LMTK2: variants seen among roughly 807,000 people sequenced by gnomAD.
LMTK2 encodes lemur tail kinase 2, also known as serine/threonine-protein kinase LMTK2.
LMTK2 carries 37 observed loss-of-function variants against 127.5 expected under a neutral mutation model. That is an observed-to-expected ratio of 0.29 (90% confidence interval 0.22 to 0.38). The LOEUF is 0.38. Among genes scored for constraint, LMTK2 ranks in the 10% least tolerant of loss-of-function variants. LMTK2 has a pLI of 1.00. For synonymous variants in LMTK2, 819 were observed against 810.1 expected (o/e 1.01, Z -0.19); for missense variants, 1,694 against 1,920.3 (o/e 0.88, Z 2.20).
intron 7 of LMTK2, among the ~76,000 whole-genome samples, chr7:98,180,969 A>T (rs899403178): frequency 6.6e-6 from 1 of 151,990 alleles, no homozygotes; most frequent in Admixed American, 6.6e-5. Context: ...GGAGGGGAGG[A>T]GGAGGAGGAT....
intron 3 of LMTK2, among the ~76,000 whole-genome samples, chr7:98,145,496 C>T (rs984234369): frequency 8.5e-5 from 13 of 152,116 alleles, no homozygotes; most frequent in African/African-American, 3.1e-4. Flanking sequence ...ACATTTAGAT[C>T]TAAAACCCAT....
chr7:98,179,559 A>G (rs570095122), intron 7 of LMTK2, among the ~76,000 whole-genome samples: 1 of 149,410 alleles, frequency 6.7e-6, no homozygotes, highest in Admixed American at 6.7e-5. Context: ...TTCTGTCCTC[A>G]TATGGCATGT....
chr7:98,189,296 G>A (rs1278277821), intron 9 of LMTK2, among the ~76,000 whole-genome samples: 2 of 152,142 alleles, frequency 1.3e-5, no homozygotes. Context: ...CAGGGATGGG[G>A]TGGTGGAGGC....
chr7:98,129,530 G>C (rs887001472), intron 1 of LMTK2, among the ~76,000 whole-genome samples: 5 of 151,798 alleles, frequency 3.3e-5, no homozygotes, highest in Admixed American at 2.6e-4. Flanking sequence ...GTACCTGGCT[G>C]ATTTTTCACA....
chr7:98,190,711 T>C lies in LMTK2; in HGVS notation c.999-17T>C. The C allele has an allele frequency of 6.2e-7, 1 of 1,613,342 alleles. No homozygotes were observed. Among genetic ancestry groups the C allele is most frequent in the Non-Finnish European group, 8.5e-7 (1 of 1,179,510 alleles). ...ATCTAAAGGGAGAGAGAAACAGCCA[T>C]TTTCTTTTTCCAACAGGTCTCTGGG... On this transcript the variant is annotated splice_polypyrimidine_tract_variant and intron_variant, in intron 9 of 13. Transcript: ENST00000297293.
chr7:98,180,218 ATT>A (rs1057476149), intron 7 of LMTK2, among the ~76,000 whole-genome samples: 2 of 152,250 alleles, frequency 1.3e-5, no homozygotes, highest in African/African-American at 4.8e-5. Context: ...TTATCCTTGT[ATT>A]TCAGACATGT....
chr7:98,191,440 T>G (rs1797522932), intron 10 of LMTK2, among the ~76,000 whole-genome samples, 174 bp from the exon 11 acceptor site: 1 of 151,950 alleles, frequency 6.6e-6, no homozygotes, highest in Non-Finnish European at 1.5e-5. Flanking sequence ...TAATCCCAGC[T>G]GCTCGGGAGG....
At chr7:98,159,514 C>G in intron 6 of LMTK2, 89 bp downstream of exon 6, 1 of 844,992 alleles carries the variant, frequency 1.2e-6, no homozygotes, top group East Asian at 2.5e-5. Flanking sequence ...TGAGGGGTTG[C>G]TTTCATGTCT....
At chr7:98,133,736 GAGCT>G (rs1021789436) in intron 1 of LMTK2, among the ~76,000 whole-genome samples, 28 of 152,234 alleles carry the variant, frequency 1.8e-4, no homozygotes, top group African/African-American at 6.7e-4. Context: ...GTGTAGCAGA[GAGCT>G]AGGGCAAAGC....
At chr7:98,189,290 G>A (rs1317285599) in intron 9 of LMTK2, among the ~76,000 whole-genome samples, 2 of 152,118 alleles carry the variant, frequency 1.3e-5, no homozygotes, top group Non-Finnish European at 2.9e-5. Context: ...GCCTGCCAGG[G>A]ATGGGGTGGT....
chr7:98,200,155 A>G (rs1797686870), intron 11 of LMTK2, among the ~76,000 whole-genome samples: 1 of 151,928 alleles, frequency 6.6e-6, no homozygotes, highest in African/African-American at 2.4e-5. Context: ...TATGTATTAA[A>G]CTTCTCACAA....
intron 5 of LMTK2, among the ~76,000 whole-genome samples, chr7:98,158,181 T>A (rs1162830665): frequency 2.6e-5 from 4 of 152,378 alleles, no homozygotes; most frequent in Admixed American, 2.0e-4. Flanking sequence ...GCATATACTG[T>A]GGAAATTTAT....
rs1186059562 is a variant in LMTK2, at chr7:98,192,246, G to A, written c.1781G>A (p.Ser594Asn). ...PELSQLTALR[S>N]VELEESSTDE... ...CTGTCCCAGCTCACGGCGCTCAGGA[G>A]CGTTGAACTTGAGGAGTCCAGTACA... The change falls in exon 11 of 14, where the codon AGC (serine) becomes AAC (asparagine). Residue 594 changes from serine (S) to asparagine (N), a missense_variant. Around this residue, in one of 8 missense-constraint regions of LMTK2, gnomAD observed 527 missense variants for 539.8 expected, o/e 0.98. Transcript: ENST00000297293. 5 of 1,524,930 alleles carry A rather than the reference G, an allele frequency of 3.3e-6. No individual in the cohort carries two copies. The allele number at this position is 1,524,930 out of a possible 1,614,324, so 94.5% of individuals were successfully genotyped here.
At chr7:98,159,301 T>G (rs754129661) in intron 5 of LMTK2, 37 bp from the exon 6 acceptor site, 2 of 1,335,758 alleles carry the variant, frequency 1.5e-6, no homozygotes, top group African/African-American at 2.9e-5. Context: ...TTATCATGCT[T>G]CCTGATGAAC....
chr7:98,130,132 C>A (rs1389091439), intron 1 of LMTK2, among the ~76,000 whole-genome samples: 1 of 152,020 alleles, frequency 6.6e-6, no homozygotes, highest in African/African-American at 2.4e-5. Flanking sequence ...GCAGAAGATC[C>A]ATCTGGAAGG....
rs1347065767 is a variant in LMTK2 at position 98,206,118 on chromosome 7, C to A, written c.*626C>A. ...TTTGCGCTGCATGGTACTTGTGAAG[C>A]TTAAATATTTTGAGTGTTCTACTGT... is the stretch of plus-strand genomic sequence containing the variant. On this transcript the variant is annotated 3_prime_UTR_variant, in exon 14 of 14. Transcript: ENST00000297293. The A allele has an allele frequency of 6.5e-6, 1 of 152,832 alleles. No individual in the cohort carries two copies. The highest frequency in any genetic ancestry group is 1.5e-5 in the Non-Finnish European group (1 of 68,360). The allele number at this position is 152,832 out of a possible 1,614,324, so 9.5% of individuals were successfully genotyped here.
chr7:98,173,670 T>C (rs1324817722), intron 7 of LMTK2, among the ~76,000 whole-genome samples: 1 of 152,222 alleles, frequency 6.6e-6, no homozygotes, highest in Non-Finnish European at 1.5e-5. Flanking sequence ...AAAGTTTTAC[T>C]TAATTTCAAA....
At chr7:98,205,335 C>A in intron 13 of LMTK2, 129 bp from the exon 14 acceptor site, 1 of 1,083,476 alleles carries the variant, frequency 9.2e-7, no homozygotes, top group Non-Finnish European at 1.4e-6. Context: ...GGAAGGGCGG[C>A]TCAGGCGGTG....
In LMTK2 at chr7:98,159,389, G is replaced by A. The variant is rs139222009; in HGVS notation, c.621G>A (p.Ala207=). The A allele has an allele frequency of 2.7e-4, 434 of 1,612,302 alleles. No individual in the cohort carries two copies. The highest frequency in any genetic ancestry group is 3.6e-4 in the Non-Finnish European group (427 of 1,179,154). The part of the protein sequence containing the change: ...ILQCVGQCVE[A]IPYLLVFEFC... ...AGTGTGTTGGACAGTGCGTAGAAGC[G>A]ATTCCCTACCTCCTGGTGTTTGAGT... The change falls in exon 6 of 14, where the codon GCG becomes GCA. Residue 207 remains alanine (A), a synonymous_variant. Coordinates refer to ENST00000297293, the MANE Select transcript of LMTK2 (RefSeq NM_014916.4).
Sources: allele counts gnomAD v4.1 joint callset (sites outside exome capture counted in the v4.1 genomes callset), GRCh38; gene constraint gnomAD v4.1.1; regional missense constraint gnomAD v4.1.1; transcripts MANE v1.5; gene names NCBI Gene and HGNC (gene_info 2026-07-23, HGNC 2026-07-21).